The following BTG4 variants were observed in gnomAD, a reference collection of about 807,000 sequenced individuals.
BTG4 encodes the protein BTG anti-proliferation factor 4.
Under a neutral mutation model 19.3 loss-of-function variants are expected in BTG4, and 10 were observed. That is an observed-to-expected ratio of 0.52 (90% CI 0.32 to 0.88). The LOEUF is 0.88. Among genes scored for constraint, BTG4 ranks in the 40% least tolerant of loss-of-function variants. BTG4 has a pLI of 0.04. For synonymous variants in BTG4, 91 were observed against 95.7 expected, an observed-to-expected ratio of 0.95 and a Z score of 0.29; for missense variants, 238 against 281.9, an observed-to-expected ratio of 0.84 and a Z score of 1.11.
intron 1 of BTG4, among the ~76,000 whole-genome samples, chr11:111,504,893 T>A (rs1423914398): frequency 6.6e-6 from 1 of 151,692 alleles, no homozygotes; most frequent in Admixed American, 6.6e-5. Flanking sequence ...ACCAAAATAC[T>A]TCAGAACACA....
At chr11:111,454,124 G>A in the BTG4 span, 1 of 344,092 alleles carries the variant, frequency 2.9e-6, no homozygotes, top group Non-Finnish European at 5.7e-6. Flanking sequence ...TCAGTAGCAA[G>A]ACTGTGCCTG....
At chr11:111,437,558 G>T in the BTG4 span, among the ~76,000 whole-genome samples, 1 of 152,200 alleles carries the variant, frequency 6.6e-6, no homozygotes, top group Admixed American at 6.5e-5. Context: ...CTGCAAGAAG[G>T]TTAGGCCAAT....
At chr11:111,392,421 C>T in the BTG4 span, among the ~76,000 whole-genome samples, 3 of 152,040 alleles carry the variant, frequency 2.0e-5, no homozygotes, top group Non-Finnish European at 4.4e-5. Context: ...TTGTGATCAG[C>T]CCGCCTCGGC....
the BTG4 span, among the ~76,000 whole-genome samples, chr11:111,408,403 G>A: frequency 1.3e-5 from 2 of 152,294 alleles, no homozygotes; most frequent in African/African-American, 4.8e-5. Flanking sequence ...AGGCTGCTCG[G>A]GAATGAGTGG....
chr11:111,501,996 G>C (rs1441199889), intron 1 of BTG4, among the ~76,000 whole-genome samples: 1 of 152,166 alleles, frequency 6.6e-6, no homozygotes. Flanking sequence ...CAAATCCATA[G>C]TATCTTGTTT....
the BTG4 span, among the ~76,000 whole-genome samples, chr11:111,422,761 G>A: frequency 6.6e-6 from 1 of 152,124 alleles, no homozygotes; most frequent in Non-Finnish European, 1.5e-5. Flanking sequence ...GAATGGACAC[G>A]AGACACCCAT....
At chr11:111,398,474 G>A in the BTG4 span, among the ~76,000 whole-genome samples, 1 of 151,814 alleles carries the variant, frequency 6.6e-6, no homozygotes, top group Middle Eastern at 3.4e-3. Flanking sequence ...TTTTTTTTGA[G>A]ACAGAGTCTC....
the BTG4 span, chr11:111,453,457 A>G: frequency 2.2e-6 from 1 of 456,362 alleles, no homozygotes; most frequent in Non-Finnish European, 4.4e-6. Context: ...TCCCCACCCC[A>G]CCTTCAGGAG....
At chr11:111,513,113 G>C, upstream of BTG4, 1 of 419,424 alleles carries the variant, frequency 2.4e-6, no homozygotes, top group East Asian at 7.7e-5. Context: ...GCGTCGGCGT[G>C]GGTCCTGCGC....
intron 1 of BTG4, among the ~76,000 whole-genome samples, chr11:111,501,615 A>T (rs1341685359): frequency 6.6e-6 from 1 of 152,228 alleles, no homozygotes; most frequent in Non-Finnish European, 1.5e-5. Flanking sequence ...CTAGTACAGT[A>T]GACAAATTAT....
chr11:111,429,094 C>T, the BTG4 span, among the ~76,000 whole-genome samples: 1 of 152,202 alleles, frequency 6.6e-6, no homozygotes, highest in East Asian at 1.9e-4. Context: ...TTAAAGTGTA[C>T]AAGTGAGTGA....
downstream of BTG4, among the ~76,000 whole-genome samples, chr11:111,494,125 C>A (rs1478580006): frequency 6.6e-6 from 1 of 151,958 alleles, no homozygotes; most frequent in African/African-American, 2.4e-5. Context: ...AAGAGCAAAG[C>A]CTTAAAATGG....
chr11:111,512,698 CGGGGCGCGGCTCCCGGCCTGGG>C (rs938846774), upstream of BTG4, among the ~76,000 whole-genome samples: 1 of 152,070 alleles, frequency 6.6e-6, no homozygotes, highest in African/African-American at 2.4e-5. Flanking sequence ...TCATGGGGGT[CGGGGCGCGGCTCCCGGCCTGGG>C]AGGGCGCGGG....
chr11:111,509,739 T>A (rs1285216455), intron 1 of BTG4, among the ~76,000 whole-genome samples: 1 of 151,120 alleles, frequency 6.6e-6, no homozygotes, highest in Non-Finnish European at 1.5e-5. Context: ...ACAAAACAGG[T>A]TTATAAAGAA....
chr11:111,427,681 G>A, the BTG4 span, among the ~76,000 whole-genome samples: 1 of 151,990 alleles, frequency 6.6e-6, no homozygotes, highest in East Asian at 1.9e-4. Context: ...GAGGTCTCAG[G>A]GGAGTCTTTA....
the BTG4 span, among the ~76,000 whole-genome samples, chr11:111,408,763 C>T: frequency 2.0e-5 from 3 of 152,206 alleles, no homozygotes; most frequent in Admixed American, 1.3e-4. Context: ...CACCTATTCA[C>T]CTATACAAAG....
the BTG4 span, chr11:111,457,937 G>C: frequency 6.5e-6 from 1 of 152,734 alleles, no homozygotes; most frequent in East Asian, 1.9e-4. Context: ...CAGGAAGACA[G>C]TCCGGCTCCA....
At chr11:111,405,434 A>AAAAAAAAAAAAAAAAT in the BTG4 span, among the ~76,000 whole-genome samples, 1 of 138,948 alleles carries the variant, frequency 7.2e-6, no homozygotes, top group Admixed American at 7.6e-5. Flanking sequence ...AAAAAAAAAA[A>AAAAAAAAAAAAAAAAT]AGATGTCAGG....
At chr11:111,513,513 A>T, upstream of BTG4, 1 of 528,362 alleles carries the variant, frequency 1.9e-6, no homozygotes, top group Non-Finnish European at 3.9e-6. Context: ...AGGTAAAAAG[A>T]TTTGGGAATT....
Sources: allele counts gnomAD v4.1 joint callset (sites outside exome capture counted in the v4.1 genomes callset), GRCh38; gene constraint gnomAD v4.1.1; transcripts MANE v1.5; gene names NCBI Gene and HGNC (gene_info 2026-07-23, HGNC 2026-07-21).